The following UBE2E3 variants were observed in gnomAD, a reference collection of about 807,000 sequenced individuals.
UBE2E3 encodes the protein ubiquitin-conjugating enzyme E2 E3.
A neutral mutation model predicts 23.6 loss-of-function variants in UBE2E3; 5 were observed. The observed-to-expected ratio is 0.21, with a 90% CI of 0.11 to 0.44. UBE2E3 has a LOEUF of 0.44. Among genes scored for constraint, UBE2E3 ranks in the 20% least tolerant of loss-of-function variants. The pLI is 0.99. For synonymous variants in UBE2E3, 78 were observed against 87.5 expected (o/e 0.89, Z 0.60); for missense variants, 81 against 249.8 (o/e 0.32, Z 4.55).
At chr2:181,029,659 C>CTTTT (rs61149975) in intron 3 of UBE2E3, among the ~76,000 whole-genome samples, 2 of 116,852 alleles carry the variant, frequency 1.7e-5, no homozygotes, top group African/African-American at 6.6e-5. Flanking sequence ...TGTAGACAAT[C>CTTTT]TTTTTTTTTT....
At chr2:181,025,858 C>G (rs1283306594) in intron 3 of UBE2E3, among the ~76,000 whole-genome samples, 2 of 151,822 alleles carry the variant, frequency 1.3e-5, no homozygotes, top group Non-Finnish European at 3.0e-5. Context: ...GTTTTTAAAA[C>G]TCTCTAAGAT....
chr2:181,006,310 C>A (rs1685146145), intron 3 of UBE2E3, among the ~76,000 whole-genome samples: 1 of 152,056 alleles, frequency 6.6e-6, no homozygotes, highest in East Asian at 1.9e-4. Context: ...GACATACTTT[C>A]ACTTGTTTTA....
chr2:181,009,213 C>T (rs1269030238), intron 3 of UBE2E3, among the ~76,000 whole-genome samples: 1 of 152,000 alleles, frequency 6.6e-6, no homozygotes, highest in African/African-American at 2.4e-5. Context: ...GTGATGTTTT[C>T]CCCAGGTCTG....
intron 3 of UBE2E3, among the ~76,000 whole-genome samples, chr2:181,019,249 C>T (rs747885628): frequency 1.3e-5 from 2 of 152,176 alleles, no homozygotes; most frequent in African/African-American, 4.8e-5. Context: ...TGTGAACCGC[C>T]GCACCCGGCC....
chr2:181,027,942 ATT>A (rs1685950067), intron 3 of UBE2E3, among the ~76,000 whole-genome samples: 1 of 151,996 alleles, frequency 6.6e-6, no homozygotes, highest in South Asian at 2.1e-4. Context: ...AATACTGATG[ATT>A]TCTCACCCAG....
At chr2:180,996,650 A>G (rs375294490) in intron 3 of UBE2E3, among the ~76,000 whole-genome samples, 26 of 152,270 alleles carry the variant, frequency 1.7e-4, no homozygotes, top group East Asian at 5.8e-4. Context: ...ATTTCCAGGT[A>G]TCTTGGAGGG....
chr2:181,023,007 C>T (rs1269196162), intron 3 of UBE2E3, among the ~76,000 whole-genome samples: 1 of 152,198 alleles, frequency 6.6e-6, no homozygotes, highest in Non-Finnish European at 1.5e-5. Context: ...AACAGTGGTT[C>T]CACTTAATGT....
intron 3 of UBE2E3, among the ~76,000 whole-genome samples, chr2:181,049,988 T>C (rs1025012014): frequency 2.6e-5 from 4 of 151,994 alleles, no homozygotes; most frequent in Admixed American, 2.0e-4. Context: ...AAATGAAGAC[T>C]AGATTTCAAA....
chr2:180,986,304 T>C (rs766100198), intron 3 of UBE2E3, among the ~76,000 whole-genome samples: 67 of 152,158 alleles, frequency 4.4e-4, no homozygotes, highest in Non-Finnish European at 7.8e-4. Context: ...TGGTTTCTTA[T>C]TATTTGGAGG....
chr2:181,061,588 A>G (rs1235599311), intron 5 of UBE2E3, among the ~76,000 whole-genome samples: 2 of 151,552 alleles, frequency 1.3e-5, no homozygotes, highest in Admixed American at 6.6e-5. Flanking sequence ...GTAGTAATGG[A>G]TATTAAAATG....
chr2:181,012,704 A>G (rs1290935451), intron 3 of UBE2E3, among the ~76,000 whole-genome samples: 2 of 152,146 alleles, frequency 1.3e-5, no homozygotes, highest in African/African-American at 4.8e-5. Context: ...CCATATCCCT[A>G]GTTGTTAGTT....
intron 3 of UBE2E3, among the ~76,000 whole-genome samples, chr2:181,037,159 T>G (rs1686318809): frequency 6.6e-6 from 1 of 152,238 alleles, no homozygotes; most frequent in Admixed American, 6.5e-5. Context: ...CTCACATGTT[T>G]GTGGTGATGC....
intron 3 of UBE2E3, among the ~76,000 whole-genome samples, chr2:181,041,232 CTCAAA>C (rs1215745162): frequency 9.4e-5 from 3 of 31,888 alleles, no homozygotes; most frequent in Non-Finnish European, 1.7e-4. Context: ...AAGACTCCGT[CTCAAA>C]AAAAAAAAAA....
At chr2:181,014,635 T>G (rs571757708) in intron 3 of UBE2E3, among the ~76,000 whole-genome samples, 1 of 152,286 alleles carries the variant, frequency 6.6e-6, no homozygotes, top group African/African-American at 2.4e-5. Context: ...TTCATAGGTG[T>G]GCCAGGTAAG....
chr2:181,004,588 G>C (rs907759606), intron 3 of UBE2E3, among the ~76,000 whole-genome samples: 4 of 152,002 alleles, frequency 2.6e-5, no homozygotes, highest in African/African-American at 9.7e-5. Context: ...AGCCGAGATT[G>C]TGCCACCGCA....
chr2:181,024,286 A>G (rs1245543574), intron 3 of UBE2E3, among the ~76,000 whole-genome samples: 2 of 152,140 alleles, frequency 1.3e-5, no homozygotes, highest in African/African-American at 4.8e-5. Flanking sequence ...AAAGTGAGCT[A>G]TGAATTAATG....
At chr2:181,028,485 A>T (rs1685968831) in intron 3 of UBE2E3, among the ~76,000 whole-genome samples, 2 of 152,126 alleles carry the variant, frequency 1.3e-5, no homozygotes, top group African/African-American at 4.8e-5. Context: ...GATAATGCCA[A>T]ATTGGTGATA....
At chr2:181,053,770 C>T (rs1389345196) in intron 3 of UBE2E3, among the ~76,000 whole-genome samples, 1 of 151,730 alleles carries the variant, frequency 6.6e-6, no homozygotes, top group Non-Finnish European at 1.5e-5. Flanking sequence ...TGGATTTTTA[C>T]ACATATATAG....
At chr2:181,055,364 G>A (rs1483131193) in intron 3 of UBE2E3, among the ~76,000 whole-genome samples, 2 of 151,666 alleles carry the variant, frequency 1.3e-5, no homozygotes, top group East Asian at 3.9e-4. Context: ...AGAGAGTGTC[G>A]GTCAGTTGCT....
Sources: gnomAD v4.1 joint callset for allele counts (sites outside exome capture counted in the v4.1 genomes callset) on GRCh38, gnomAD v4.1.1 for gene constraint, MANE v1.5 for transcripts, NCBI Gene and HGNC (gene_info 2026-07-23, HGNC 2026-07-21) for gene names.